The following PDE7B variants were observed in gnomAD, a reference collection of about 807,000 sequenced individuals.
The protein encoded by PDE7B is 3',5'-cyclic-AMP phosphodiesterase 7B.
In PDE7B, 29 loss-of-function variants were observed where a neutral mutation model predicts 56.2. That is an observed-to-expected ratio of 0.52 (90% confidence interval 0.38 to 0.70). PDE7B has a LOEUF of 0.70. PDE7B is among the 30% of genes least tolerant of loss of function. The pLI is 0.00. For synonymous variants in PDE7B, 197 were observed against 196.9 expected (o/e 1.00, Z 0.00); for missense variants, 490 against 565.0 (o/e 0.87, Z 1.35).
intron 2 of PDE7B, among the ~76,000 whole-genome samples, chr6:136,041,296 G>A (rs773995443): frequency 1.3e-5 from 2 of 152,134 alleles, no homozygotes; most frequent in Middle Eastern, 3.2e-3. Flanking sequence ...GTAGAAAAAT[G>A]TTCTGAGATT....
At chr6:136,163,959 C>T (rs558373612) in intron 8 of PDE7B, among the ~76,000 whole-genome samples, 1 of 152,306 alleles carries the variant, frequency 6.6e-6, no homozygotes, top group South Asian at 2.1e-4. Flanking sequence ...CCCACATTTC[C>T]TGTCTTCTTC....
In PDE7B at chr6:135,863,475, CT is replaced by C. The variant is rs1177571627; in HGVS notation, c.21+11457del. 4.0e-5 allele frequency among the ~76,000 whole-genome samples: 6 copies of C among 151,868 alleles called. No individual in the cohort carries two copies. The East Asian group carries it at 1.2e-3, about 29-fold the overall frequency. ...CTTAGACATCATAATGGTTTGTGAC[CT>C]AAAAAGGTTCAGCACATAAACAGAT... On this transcript the variant is annotated intron_variant, in intron 1 of 12. Transcript: ENST00000308191.
At chr6:136,118,357 C>CAGG (rs1777874000) in intron 3 of PDE7B, among the ~76,000 whole-genome samples, 1 of 152,160 alleles carries the variant, frequency 6.6e-6, no homozygotes, top group Non-Finnish European at 1.5e-5. Flanking sequence ...AGGTAGAGCC[C>CAGG]AGGATATTTT....
intron 3 of PDE7B, among the ~76,000 whole-genome samples, chr6:136,115,755 C>T (rs1777820439): frequency 6.6e-6 from 1 of 152,162 alleles, no homozygotes; most frequent in African/African-American, 2.4e-5. Context: ...GCCAAGAAGG[C>T]CATGAAACCC....
intron 2 of PDE7B, among the ~76,000 whole-genome samples, chr6:136,103,393 CTT>C (rs1453695845): frequency 6.6e-6 from 1 of 152,190 alleles, no homozygotes; most frequent in Non-Finnish European, 1.5e-5. Flanking sequence ...TTCCTCCTCT[CTT>C]TTAGGCCAGA....
chr6:136,047,482 C>T (rs1776533549), intron 2 of PDE7B: 1 of 152,128 alleles, frequency 6.6e-6, no homozygotes, highest in Non-Finnish European at 1.5e-5. Flanking sequence ...TGGCCCTCAT[C>T]CCCTAGAAAG....
In PDE7B at chr6:135,938,992, C is replaced by A. The variant is rs577685268; in HGVS notation, c.22-8472C>A. The stretch of plus-strand genomic sequence containing the variant: ...GGGTATGTAATAAAATGCTGAGAGA[C>A]TCTCTGGAGACCGCTGCTGCTGGCA... On this transcript the variant is annotated intron_variant, in intron 1 of 12. Transcript: ENST00000308191. 3.6e-3 allele frequency among the ~76,000 whole-genome samples: 546 copies of A among 152,312 alleles called. 1 individual carries two copies. The highest frequency in any genetic ancestry group is 0.02 in the Middle Eastern group (6 of 294).
intron 1 of PDE7B, among the ~76,000 whole-genome samples, chr6:135,920,958 G>A (rs911703650): frequency 2.0e-5 from 3 of 152,152 alleles, no homozygotes; most frequent in Non-Finnish European, 4.4e-5. Context: ...GGCCACTGGT[G>A]AATTCTTTTT....
intron 1 of PDE7B, among the ~76,000 whole-genome samples, chr6:135,900,041 C>T (rs17065083): frequency 0.049 from 7,383 of 152,120 alleles, 588 homozygotes; most frequent in African/African-American, 0.17. Flanking sequence ...ATGTTGTAAA[C>T]AAACTGTCTA....
At chr6:136,012,942 T>G (rs551298364) in intron 2 of PDE7B, among the ~76,000 whole-genome samples, 1 of 152,134 alleles carries the variant, frequency 6.6e-6, no homozygotes, top group Non-Finnish European at 1.5e-5. Flanking sequence ...CATTCTACAG[T>G]TAGAAAAATG....
Position 136,155,686 on chromosome 6 carries a change from C to T in PDE7B, c.639C>T (p.His213=), listed in dbSNP as rs773085068. The T allele has an allele frequency of 3.7e-5, 59 of 1,613,326 alleles. 1 individual carries two copies. The East Asian group carries it at 5.1e-4, about 14-fold the overall frequency. The part of the protein sequence containing the change: ...IMLGLLAAAA[H]DVDHPGVNQP... ...TTGGACTGCTGGCTGCAGCAGCACA[C>T]GATGTGGACCACCCAGGGGTGAACC... Residue 213 remains histidine (H), a synonymous_variant, in exon 8 of 13, where the codon CAC becomes CAT. Coordinates refer to ENST00000308191, the MANE Select transcript of PDE7B (RefSeq NM_018945.4).
At chr6:135,955,316 G>T (rs1004877706) in intron 2 of PDE7B, among the ~76,000 whole-genome samples, 2 of 151,958 alleles carry the variant, frequency 1.3e-5, no homozygotes, top group African/African-American at 4.8e-5. Context: ...CATCAGGAAA[G>T]ACCTTGTGCA....
intron 3 of PDE7B, among the ~76,000 whole-genome samples, chr6:136,141,279 C>T (rs970225457): frequency 9.3e-4 from 142 of 152,174 alleles, no homozygotes; most frequent in African/African-American, 2.2e-3. Context: ...TATTGATTTG[C>T]GTATGTTGAA....
chr6:135,998,311 A>G (rs1388948196), intron 2 of PDE7B, among the ~76,000 whole-genome samples: 2 of 152,228 alleles, frequency 1.3e-5, no homozygotes, highest in Non-Finnish European at 2.9e-5. Flanking sequence ...AGACTATGGT[A>G]TAACACATTG....
chr6:136,154,346 T>G (rs747822680), intron 7 of PDE7B, among the ~76,000 whole-genome samples, 171 bp downstream of exon 7: 4 of 151,230 alleles, frequency 2.6e-5, no homozygotes, highest in Admixed American at 1.3e-4. Flanking sequence ...CTTACAATGT[T>G]CACGAAAAAG....
chr6:135,950,141 A>G (rs1396191801), intron 2 of PDE7B, among the ~76,000 whole-genome samples: 1 of 152,160 alleles, frequency 6.6e-6, no homozygotes, highest in Non-Finnish European at 1.5e-5. Context: ...TAAAAGAAAG[A>G]AGTAAAGTTT....
At chr6:136,184,722 A>G (rs1410701082) in intron 11 of PDE7B, among the ~76,000 whole-genome samples, 1 of 152,228 alleles carries the variant, frequency 6.6e-6, no homozygotes, top group East Asian at 1.9e-4. Context: ...TTATCTCAGA[A>G]AGTGCATTTA....
At chr6:136,140,735 T>C (rs1778308539) in intron 3 of PDE7B, among the ~76,000 whole-genome samples, 1 of 152,206 alleles carries the variant, frequency 6.6e-6, no homozygotes, top group African/African-American at 2.4e-5. Context: ...GAAGCAATTG[T>C]GAATGGGAGT....
intron 1 of PDE7B, among the ~76,000 whole-genome samples, chr6:135,896,003 C>T (rs1583748344): frequency 6.6e-6 from 1 of 152,226 alleles, no homozygotes; most frequent in African/African-American, 2.4e-5. Flanking sequence ...CTTGAGAATG[C>T]CTCACAATTT....
Sources: allele counts gnomAD v4.1 joint callset (sites outside exome capture counted in the v4.1 genomes callset), GRCh38; gene constraint gnomAD v4.1.1; transcripts MANE v1.5; gene names NCBI Gene and HGNC (gene_info 2026-07-23, HGNC 2026-07-21).